CD96: variants seen among roughly 807,000 people sequenced by gnomAD.
CD96 encodes the protein T-cell surface protein tactile.
CD96 carries 70 observed loss-of-function variants against 71.3 expected under a neutral mutation model. The observed-to-expected ratio is 0.98, with a 90% confidence interval of 0.81 to 1.20. CD96 has a LOEUF of 1.20. CD96 is among the 50% of genes most tolerant of loss of function. The pLI, the probability that CD96 is intolerant of heterozygous loss-of-function variation, is 0.00. For missense variants in CD96, 742 were observed against 677.5 expected (o/e 1.10, Z -1.06); for synonymous variants, 248 against 233.0 (o/e 1.06, Z -0.59).
intron 2 of CD96, among the ~76,000 whole-genome samples, chr3:111,554,855 G>T (rs578128124): frequency 1.3e-5 from 2 of 151,980 alleles, no homozygotes; most frequent in South Asian, 4.2e-4. Context: ...GGAGCCCTGA[G>T]CTTGTCTTCC....
At chr3:111,616,615 G>A (rs1938249592) in intron 8 of CD96, among the ~76,000 whole-genome samples, 1 of 152,206 alleles carries the variant, frequency 6.6e-6, no homozygotes, top group Non-Finnish European at 1.5e-5. Flanking sequence ...AATAAATATA[G>A]TCTTTAGTGT....
At chr3:111,615,630 A>G (rs551463803) in intron 8 of CD96, among the ~76,000 whole-genome samples, 20 of 152,202 alleles carry the variant, frequency 1.3e-4, no homozygotes, top group Non-Finnish European at 2.6e-4. Flanking sequence ...TTTAATAAAA[A>G]TAATCTAGGT....
intron 12 of CD96, among the ~76,000 whole-genome samples, chr3:111,642,193 A>G (rs1341614141): frequency 6.6e-6 from 1 of 152,226 alleles, no homozygotes; most frequent in Admixed American, 6.5e-5. Context: ...TGCAAAAGAT[A>G]AATGAAACAA....
At chr3:111,594,470 G>T in intron 5 of CD96, 1 of 386,758 alleles carries the variant, frequency 2.6e-6, no homozygotes, top group Non-Finnish European at 4.8e-6. Context: ...CCTTGACTAG[G>T]CCAGAAAGAC....
intron 14 of CD96, among the ~76,000 whole-genome samples, chr3:111,659,152 AT>A (rs1940298425): frequency 6.6e-6 from 1 of 151,998 alleles, no homozygotes; most frequent in Non-Finnish European, 1.5e-5. Flanking sequence ...TTTCCTCTAG[AT>A]TTTCTAACTT....
chr3:111,575,118 G>A (rs1002418392), intron 3 of CD96, among the ~76,000 whole-genome samples: 2 of 152,124 alleles, frequency 1.3e-5, no homozygotes, highest in African/African-American at 4.8e-5. Context: ...AAGTAGGAAA[G>A]GCTAAGACTG....
intron 3 of CD96, chr3:111,577,582 C>T (rs754696030): frequency 1.4e-6 from 2 of 1,381,342 alleles, no homozygotes; most frequent in Non-Finnish European, 2.1e-6. Flanking sequence ...AAGAATTCAG[C>T]AGAGTATGAT....
intron 3 of CD96, among the ~76,000 whole-genome samples, chr3:111,574,412 C>T (rs1936129744): frequency 6.6e-6 from 1 of 152,182 alleles, no homozygotes; most frequent in African/African-American, 2.4e-5. Context: ...AAATCCAAAA[C>T]ATCTGAGCCT....
At chr3:111,588,181 ACCCAAGTTAC>A (rs1936802729) in intron 5 of CD96, among the ~76,000 whole-genome samples, 1 of 152,178 alleles carries the variant, frequency 6.6e-6, no homozygotes, top group African/African-American at 2.4e-5. Context: ...CTTTAACAGC[ACCCAAGTTAC>A]CTCTTGCATG....
chr3:111,654,815 A>C (rs2895386), downstream of CD96, among the ~76,000 whole-genome samples: 12,022 of 152,312 alleles, frequency 0.079, 741 homozygotes, highest in East Asian at 0.26. Flanking sequence ...ACCAAATAAA[A>C]TTGGCTACAG....
At chr3:111,579,003 A>G (rs1219498239) in intron 3 of CD96, 24 bp from the exon 4 acceptor site, 2 of 1,287,024 alleles carry the variant, frequency 1.6e-6, no homozygotes, top group Non-Finnish European at 2.3e-6. Context: ...GGACTCAATA[A>G]CTGGTAACAA....
At chr3:111,632,224 G>T (rs1296313087) in intron 10 of CD96, among the ~76,000 whole-genome samples, 2 of 152,044 alleles carry the variant, frequency 1.3e-5, no homozygotes, top group Non-Finnish European at 2.9e-5. Flanking sequence ...CTATCCATCT[G>T]AAAAAGGTAT....
intron 7 of CD96, among the ~76,000 whole-genome samples, chr3:111,602,447 T>C (rs1937519941): frequency 6.6e-6 from 1 of 152,166 alleles, no homozygotes; most frequent in South Asian, 2.1e-4. Context: ...AGGTGGTTAA[T>C]TTTAAATTGC....
intron 7 of CD96, among the ~76,000 whole-genome samples, chr3:111,605,287 G>C (rs1231792314): frequency 6.6e-6 from 1 of 152,166 alleles, no homozygotes; most frequent in Non-Finnish European, 1.5e-5. Context: ...TCCTCAGCTT[G>C]AGAAGGTACA....
In CD96 at chr3:111,595,185, C is replaced by T. The variant is rs1253918662; in HGVS notation, c.808-2935C>T. On this transcript the variant is annotated intron_variant, in intron 5 of 13. Transcript: ENST00000352690. ...AAATCATATTACATTTAAAAACAGCCCGACTTCTCTCTCCTTTCTTGGGTC... is the reference window on the plus strand; with the variant it reads ...AAATCATATTACATTTAAAAACAGCTCGACTTCTCTCTCCTTTCTTGGGTC... The T allele has an allele frequency of 2.2e-4, 34 of 155,894 alleles. 1 individual carries two copies. The Admixed American group carries it at 2.2e-3, about 10-fold the overall frequency. 9.7% of individuals were successfully genotyped at this position (155,894 alleles called of 1,614,324 possible).
At chr3:111,648,821 T>C (rs1177005832) in intron 13 of CD96, among the ~76,000 whole-genome samples, 1 of 152,156 alleles carries the variant, frequency 6.6e-6, no homozygotes, top group African/African-American at 2.4e-5. Flanking sequence ...GTGATGAACA[T>C]AAAGATGTTC....
intron 10 of CD96, among the ~76,000 whole-genome samples, chr3:111,629,294 G>C (rs912449848): frequency 2.0e-5 from 3 of 152,068 alleles, no homozygotes; most frequent in Non-Finnish European, 4.4e-5. Context: ...ACACACAGAG[G>C]CTCAAAATAA....
Position 111,615,226 on chromosome 3 carries a change from T to C in CD96, c.1180+8434T>C, listed in dbSNP as rs1435526835. Among the ~76,000 whole-genome samples the C allele has an allele frequency of 2.0e-5, 3 of 152,218 alleles. No homozygotes were observed. The East Asian group carries it at 5.8e-4, about 29-fold the overall frequency. The stretch of plus-strand genomic sequence containing the variant: ...TGAAGCAAACATGATGAGGTGATGG[T>C]TAACCCACTGAGAGGATCCACAGAA... On this transcript the variant is annotated intron_variant, in intron 8 of 13. Coordinates refer to ENST00000352690, the MANE Select transcript of CD96 (RefSeq NM_005816.5).
chr3:111,545,277 G>A lies in CD96; in HGVS notation c.293G>A (p.Gly98Glu). Reference sequence around the variant, plus strand: ...ACTTTCACAGAAACTCCTGAGAATGGGTCAAAATGGACTCTGCACTTAAGG... The same window carrying A: ...ACTTTCACAGAAACTCCTGAGAATGAGTCAAAATGGACTCTGCACTTAAGG... The part of the protein sequence containing the change: ...LVTFTETPEN[G>E]SKWTLHLRNM... The change falls in exon 2 of 14, where the codon GGG (glycine) becomes GAG (glutamate). Residue 98 changes from glycine to glutamate, a missense_variant. Gly to Glu is a moderately conservative substitution (Grantham distance 98, BLOSUM62 -2). Transcript: ENST00000352690. The A allele has an allele frequency of 6.2e-7, 1 of 1,613,968 alleles. No individual in the cohort carries two copies. The highest frequency in any genetic ancestry group is 1.1e-5 in the South Asian group (1 of 91,074).
Sources: gnomAD v4.1 joint callset for allele counts (sites outside exome capture counted in the v4.1 genomes callset) on GRCh38, gnomAD v4.1.1 for gene constraint, MANE v1.5 for transcripts, NCBI Gene and HGNC (gene_info 2026-07-23, HGNC 2026-07-21) for gene names.